The following BACH2 variants were observed in gnomAD, a reference collection of about 807,000 sequenced individuals.
BACH2 encodes the protein BACH transcriptional regulator 2, also known as transcription regulator protein BACH2.
BACH2 carries 5 observed loss-of-function variants against 61.8 expected under a neutral mutation model. The observed-to-expected ratio is 0.08, with a 90% CI of 0.04 to 0.17. BACH2 has a LOEUF of 0.17. Ranked by LOEUF, BACH2 falls within the 10% of genes least tolerant of loss-of-function variation. The probability of loss-of-function intolerance (pLI) is 1.00; values close to 1 mark genes in which losing one functional copy is unlikely to be tolerated. For missense variants in BACH2, 824 were observed against 1,091.1 expected, an observed-to-expected ratio of 0.76 and a Z score of 3.45; for synonymous variants, 446 against 440.1, an observed-to-expected ratio of 1.01 and a Z score of -0.17.
chr6:90,133,619 C>G, intron 4 of BACH2, among the ~76,000 whole-genome samples: 1 of 151,788 alleles, frequency 6.6e-6, no homozygotes, highest in East Asian at 1.9e-4. Flanking sequence ...TATACATGTG[C>G]CATGTTGGTG....
intron 8 of BACH2, among the ~76,000 whole-genome samples, chr6:89,935,488 T>C (rs1284873699): frequency 6.6e-6 from 1 of 152,200 alleles, no homozygotes. Flanking sequence ...AGGTGCCGCG[T>C]GTGACAGCAG....
chr6:90,109,169 T>C (rs1031967032), intron 4 of BACH2, among the ~76,000 whole-genome samples: 6 of 152,232 alleles, frequency 3.9e-5, no homozygotes, highest in Non-Finnish European at 7.3e-5. Flanking sequence ...TTGTAGATTT[T>C]TTTTTGTCAC....
At chr6:90,263,006 A>C (rs1387253119) in intron 2 of BACH2, among the ~76,000 whole-genome samples, 1 of 152,258 alleles carries the variant, frequency 6.6e-6, no homozygotes, top group Non-Finnish European at 1.5e-5. Context: ...CAATTATTTT[A>C]AAAGTCACAG....
rs1274813612 is a variant in BACH2, at chr6:89,929,743, A to C, written c.*2665T>G. On this transcript the variant is annotated 3_prime_UTR_variant, in exon 9 of 9. Coordinates refer to ENST00000257749, the MANE Select transcript of BACH2 (RefSeq NM_021813.4). Reference sequence around the variant, plus strand: ...CTACTGAACCACAGAAACCTGAGGAAATGGATGGAATGTGGTCAAGACTAC... The same window carrying C: ...CTACTGAACCACAGAAACCTGAGGACATGGATGGAATGTGGTCAAGACTAC... 1 of 152,310 alleles carries C rather than the reference A, an allele frequency of 6.6e-6. No individual in the cohort carries two copies. Among genetic ancestry groups the C allele is most frequent in the African/African-American group, 2.4e-5 (1 of 41,420 alleles). The allele number at this position is 152,310 out of a possible 1,614,324, so 9.4% of individuals were successfully genotyped here.
At chr6:89,941,222 G>A (rs529203349) in intron 7 of BACH2, among the ~76,000 whole-genome samples, 97 of 152,284 alleles carry the variant, frequency 6.4e-4, no homozygotes, top group African/African-American at 2.1e-3. Flanking sequence ...CCCGGCTGCC[G>A]GCATGTGTGG....
intron 1 of BACH2, among the ~76,000 whole-genome samples, chr6:90,274,998 C>A (rs1243571391): frequency 1.3e-5 from 2 of 152,224 alleles, no homozygotes; most frequent in Non-Finnish European, 2.9e-5. Flanking sequence ...GCAGGGAGGA[C>A]TAGTCTTTGC....
Position 90,132,174 on chromosome 6 carries a change from T to G in BACH2, c.-161-43065A>C, listed in dbSNP as rs555819550. 3.3e-5 allele frequency among the ~76,000 whole-genome samples: 5 copies of G among 152,154 alleles called. No homozygotes were observed. The South Asian group carries it at 1.0e-3, about 32-fold the overall frequency. ...AAGTCCTAGAGACTCATCCAAAGAG[T>G]GTAAACCACGCTCTTCTGCCAAGTG... On this transcript the variant is annotated intron_variant, in intron 4 of 8. Coordinates refer to ENST00000257749, the MANE Select transcript of BACH2 (RefSeq NM_021813.4).
chr6:90,074,971 C>T (rs987115764), intron 5 of BACH2, among the ~76,000 whole-genome samples: 72 of 152,092 alleles, frequency 4.7e-4, no homozygotes, highest in African/African-American at 1.7e-3. Flanking sequence ...AGAATCTAAG[C>T]TAGTTCCGTT....
chr6:89,951,630 G>A lies in BACH2; in HGVS notation c.476C>T (p.Ser159Phe). The A allele has an allele frequency of 1.2e-6, 2 of 1,614,224 alleles. No homozygotes were observed. Among genetic ancestry groups the A allele is most frequent in the Non-Finnish European group, 1.7e-6 (2 of 1,180,046 alleles). Residue 159 changes from serine (S) to phenylalanine (F), a missense_variant, in exon 7 of 9, where the codon TCT (serine) becomes TTT (phenylalanine). Ser to Phe is a radical substitution (Grantham distance 155). This residue lies in a region of BACH2 where 107 missense variants were observed against 121.7 expected (regional missense o/e 0.88). Coordinates refer to ENST00000257749, the MANE Select transcript of BACH2 (RefSeq NM_021813.4). The surrounding 1 kb of genome is among the most constrained non-coding windows in gnomAD (Gnocchi z 6.4). ...CQRPHEDCEN[S>F]AGEEEDEEEE... ...CTCTTCATCCTCCTCCTCTCCTGCAGAGTTCTCGCAGTCCTCGTGTGGGCG... is the reference window on the plus strand; with the variant it reads ...CTCTTCATCCTCCTCCTCTCCTGCAAAGTTCTCGCAGTCCTCGTGTGGGCG...
chr6:90,103,025 A>ATTT (rs1440363076), intron 4 of BACH2, among the ~76,000 whole-genome samples: 1 of 27,504 alleles, frequency 3.6e-5, no homozygotes, highest in African/African-American at 1.7e-4. Flanking sequence ...ATATATATAT[A>ATTT]TATATTTTTT....
intron 5 of BACH2, among the ~76,000 whole-genome samples, chr6:90,052,790 C>A (rs763371986): frequency 6.6e-6 from 1 of 152,154 alleles, no homozygotes; most frequent in African/African-American, 2.4e-5. Context: ...TGCTCGAATA[C>A]GAATTGTTAA....
intron 2 of BACH2, among the ~76,000 whole-genome samples, chr6:90,264,447 T>C (rs562315859): frequency 2.9e-4 from 44 of 152,320 alleles, no homozygotes; most frequent in African/African-American, 1.0e-3. Context: ...ATAAATGTTC[T>C]TCATATGATT....
chr6:90,150,680 G>A (rs76090469), intron 4 of BACH2, among the ~76,000 whole-genome samples: 4,420 of 152,222 alleles, frequency 0.029, 89 homozygotes, highest in Middle Eastern at 0.075. Flanking sequence ...GTTCCGAGAA[G>A]GGTTTAGCCA....
At chr6:90,252,730 CA>C (rs1251945848) in intron 2 of BACH2, 140 bp from the exon 3 acceptor site, 1 of 152,172 alleles carries the variant, frequency 6.6e-6, no homozygotes, top group African/African-American at 2.4e-5. Flanking sequence ...AACAGGATTA[CA>C]AAAGTTCTCA....
chr6:90,260,162 T>A (rs755048497), intron 2 of BACH2, among the ~76,000 whole-genome samples: 1 of 152,216 alleles, frequency 6.6e-6, no homozygotes, highest in Non-Finnish European at 1.5e-5. Flanking sequence ...AGATCTTTCT[T>A]CTTTTCTAAT....
At chr6:90,165,480 G>A (rs1767577881) in intron 4 of BACH2, among the ~76,000 whole-genome samples, 1 of 152,092 alleles carries the variant, frequency 6.6e-6, no homozygotes, top group African/African-American at 2.4e-5. Context: ...TGGCCATACT[G>A]CCCAAGGTAA....
chr6:90,268,958 A>C (rs1204772151), intron 2 of BACH2, among the ~76,000 whole-genome samples: 1 of 152,222 alleles, frequency 6.6e-6, no homozygotes, highest in East Asian at 1.9e-4. Flanking sequence ...AGGAAAAATG[A>C]ACTCTAGTTT....
chr6:89,933,251 A>C (rs1455883881), intron 8 of BACH2, among the ~76,000 whole-genome samples: 1 of 152,140 alleles, frequency 6.6e-6, no homozygotes, highest in Non-Finnish European at 1.5e-5. Flanking sequence ...CAATCTTGTG[A>C]CTGAAAATCT....
At chr6:90,040,037 T>TC (rs1779455964) in intron 5 of BACH2, among the ~76,000 whole-genome samples, 1 of 151,872 alleles carries the variant, frequency 6.6e-6, no homozygotes, top group South Asian at 2.1e-4. Context: ...TTTTTTTTTT[T>TC]TGGCCGTGGT....
Sources: allele counts gnomAD v4.1 joint callset (sites outside exome capture counted in the v4.1 genomes callset), GRCh38; gene constraint gnomAD v4.1.1; regional missense constraint gnomAD v4.1.1; non-coding constraint Gnocchi (gnomAD v3.1); transcripts MANE v1.5; gene names NCBI Gene and HGNC (gene_info 2026-07-23, HGNC 2026-07-21).